QTMAN: variants seen among roughly 807,000 people sequenced by gnomAD.
The protein encoded by QTMAN is tRNA-queuosine alpha-mannosyltransferase.
the QTMAN span, among the ~76,000 whole-genome samples, chr2:144,328,298 A>T: frequency 6.6e-6 from 1 of 152,102 alleles, no homozygotes; most frequent in African/African-American, 2.4e-5. Flanking sequence ...TGTTTAAATG[A>T]CTTGTGTGAT....
chr2:144,013,212 C>A, the QTMAN span, among the ~76,000 whole-genome samples: 2 of 152,150 alleles, frequency 1.3e-5, no homozygotes, highest in Admixed American at 6.6e-5. Flanking sequence ...CTCATTCATT[C>A]AGTAAGTACC....
At chr2:144,251,671 G>A in the QTMAN span, among the ~76,000 whole-genome samples, 1 of 152,106 alleles carries the variant, frequency 6.6e-6, no homozygotes, top group African/African-American at 2.4e-5. Context: ...GTTTTGCAGT[G>A]ACTTTTTAGA....
chr2:143,943,633 C>G, the QTMAN span: 1 of 152,148 alleles, frequency 6.6e-6, no homozygotes, highest in Non-Finnish European at 1.5e-5. Context: ...AAAATGAAAT[C>G]TTTGCTTCCA....
the QTMAN span, among the ~76,000 whole-genome samples, chr2:144,092,638 A>G: frequency 6.6e-6 from 1 of 152,244 alleles, no homozygotes; most frequent in African/African-American, 2.4e-5. Flanking sequence ...AGTTGAGAGT[A>G]CAAGTTATTT....
At chr2:144,256,489 C>T in the QTMAN span, among the ~76,000 whole-genome samples, 36 of 152,200 alleles carry the variant, frequency 2.4e-4, no homozygotes, top group Middle Eastern at 3.4e-3. Flanking sequence ...GCATAAAGAC[C>T]TCTCAATATA....
chr2:144,151,439 C>A, the QTMAN span, among the ~76,000 whole-genome samples: 1 of 152,000 alleles, frequency 6.6e-6, no homozygotes, highest in Non-Finnish European at 1.5e-5. Flanking sequence ...TTTACTCTGA[C>A]TACCATATGG....
the QTMAN span, among the ~76,000 whole-genome samples, chr2:144,188,629 T>C: frequency 1.3e-5 from 2 of 152,068 alleles, no homozygotes; most frequent in African/African-American, 4.8e-5. Flanking sequence ...TTGAGAATTA[T>C]AAAACTTTCT....
At chr2:144,300,423 T>C in the QTMAN span, among the ~76,000 whole-genome samples, 4 of 152,278 alleles carry the variant, frequency 2.6e-5, no homozygotes, top group South Asian at 8.3e-4. Context: ...CACTCCTAAA[T>C]ACACAGCCCA....
At chr2:144,133,237 T>TTATATATAAA in the QTMAN span, among the ~76,000 whole-genome samples, 3 of 58,878 alleles carry the variant, frequency 5.1e-5, no homozygotes, top group African/African-American at 1.7e-4. Context: ...ATATTTATAT[T>TTATATATAAA]TATATATAAA....
chr2:144,214,745 TG>T, the QTMAN span, among the ~76,000 whole-genome samples: 4 of 152,308 alleles, frequency 2.6e-5, no homozygotes, highest in African/African-American at 9.6e-5. Context: ...AACCAAGATT[TG>T]GTAGGAAAAC....
chr2:143,957,102 A>G, the QTMAN span: 1 of 1,033,754 alleles, frequency 9.7e-7, no homozygotes, highest in Non-Finnish European at 1.4e-6. Flanking sequence ...TTGATCACTG[A>G]ATTTTAATGT....
the QTMAN span, among the ~76,000 whole-genome samples, chr2:144,248,065 T>A: frequency 3.9e-5 from 6 of 152,314 alleles, no homozygotes; most frequent in African/African-American, 1.4e-4. Flanking sequence ...TTTGGCAAAA[T>A]AAGTTTTAAT....
At chr2:144,104,489 C>T in the QTMAN span, among the ~76,000 whole-genome samples, 2 of 152,152 alleles carry the variant, frequency 1.3e-5, no homozygotes, top group African/African-American at 2.4e-5. Context: ...GGGTCCCACG[C>T]TCACGGAGCC....
At chr2:144,164,339 G>A in the QTMAN span, among the ~76,000 whole-genome samples, 1 of 152,042 alleles carries the variant, frequency 6.6e-6, no homozygotes, top group East Asian at 1.9e-4. Context: ...TGTGTAAGGT[G>A]CTTAGACCAC....
chr2:144,051,501 C>T, the QTMAN span, among the ~76,000 whole-genome samples: 7 of 152,094 alleles, frequency 4.6e-5, no homozygotes, highest in Non-Finnish European at 8.8e-5. Context: ...GCCTGAGTGA[C>T]AGTGAGACTT....
At chr2:143,951,070 C>T in the QTMAN span, 1 of 150,056 alleles carries the variant, frequency 6.7e-6, no homozygotes, top group Non-Finnish European at 1.5e-5. Flanking sequence ...TTTTAGGCTA[C>T]GAACAGGGAA....
At chr2:144,008,378 C>A in the QTMAN span, among the ~76,000 whole-genome samples, 2 of 151,606 alleles carry the variant, frequency 1.3e-5, no homozygotes, top group African/African-American at 2.4e-5. Context: ...TCAATAAAGG[C>A]TTAAAGAAGG....
chr2:144,224,806 A>C, the QTMAN span, among the ~76,000 whole-genome samples: 6 of 152,220 alleles, frequency 3.9e-5, no homozygotes, highest in African/African-American at 1.4e-4. Flanking sequence ...GCATTTATTA[A>C]TTATTACATT....
the QTMAN span, among the ~76,000 whole-genome samples, chr2:144,209,011 CTTTA>C: frequency 1.2e-4 from 18 of 152,092 alleles, no homozygotes. Flanking sequence ...ATAAAGGTGT[CTTTA>C]TTTTTCTGAT....
Sources: gnomAD v4.1 joint callset for allele counts (sites outside exome capture counted in the v4.1 genomes callset) on GRCh38, gnomAD v4.1.1 for gene constraint, MANE v1.5 for transcripts, NCBI Gene and HGNC (gene_info 2026-07-23, HGNC 2026-07-21) for gene names.